TRAPPC9: variants seen among roughly 807,000 people sequenced by gnomAD.
TRAPPC9 encodes the protein IKK2 binding protein.
A neutral mutation model predicts 124.0 loss-of-function variants in TRAPPC9; 83 were observed. The ratio of observed to expected loss-of-function variants is 0.67; its 90% confidence interval spans 0.56 to 0.80. The LOEUF (loss-of-function observed/expected upper bound fraction) is 0.80. Among genes scored for constraint, TRAPPC9 ranks in the 30% least tolerant of loss-of-function variants. The pLI is 0.00. For synonymous variants in TRAPPC9, 638 were observed against 617.5 expected, an observed-to-expected ratio of 1.03 and a Z score of -0.49; for missense variants, 1,302 against 1,508.3, an observed-to-expected ratio of 0.86 and a Z score of 2.27.
chr8:140,135,462 A>G (rs1332134439), intron 17 of TRAPPC9, among the ~76,000 whole-genome samples: 1 of 152,240 alleles, frequency 6.6e-6, no homozygotes, highest in Non-Finnish European at 1.5e-5. Context: ...CCATAAAGGG[A>G]AGGAAATTTT....
intron 17 of TRAPPC9, among the ~76,000 whole-genome samples, chr8:140,109,682 C>T (rs1161436752): frequency 1.3e-5 from 2 of 152,316 alleles, no homozygotes; most frequent in South Asian, 2.1e-4. Flanking sequence ...GGTGCCTTCC[C>T]ATTCCACCCT....
chr8:140,048,362 C>A (rs1427912722), intron 17 of TRAPPC9, among the ~76,000 whole-genome samples: 1 of 152,182 alleles, frequency 6.6e-6, no homozygotes, highest in African/African-American at 2.4e-5. Context: ...TTACTGGAAG[C>A]TCTGGAAGAA....
intron 17 of TRAPPC9, among the ~76,000 whole-genome samples, chr8:140,144,436 G>A: frequency 6.6e-6 from 1 of 151,930 alleles, no homozygotes; most frequent in Non-Finnish European, 1.5e-5. Flanking sequence ...TCAGGGTACT[G>A]TTGGCTAATG....
At chr8:140,095,318 C>A (rs1844864785) in intron 17 of TRAPPC9, 1 of 152,276 alleles carries the variant, frequency 6.6e-6, no homozygotes, top group South Asian at 2.1e-4. Flanking sequence ...CTTCTCTGGG[C>A]TGGGACAGAG....
intron 21 of TRAPPC9, among the ~76,000 whole-genome samples, chr8:139,773,433 G>A (rs576343925): frequency 5.3e-5 from 8 of 152,236 alleles, no homozygotes; most frequent in Non-Finnish European, 1.0e-4. Flanking sequence ...GGCACTGGGT[G>A]GGGGAATCAG....
chr8:140,160,619 G>T (rs548180556), intron 17 of TRAPPC9, among the ~76,000 whole-genome samples: 85 of 150,306 alleles, frequency 5.7e-4, no homozygotes, highest in African/African-American at 1.9e-3. Flanking sequence ...CACAGGAAGG[G>T]GAACATCACA....
intron 21 of TRAPPC9, among the ~76,000 whole-genome samples, chr8:139,811,819 T>C (rs1824462961): frequency 6.6e-6 from 1 of 152,230 alleles, no homozygotes; most frequent in African/African-American, 2.4e-5. Flanking sequence ...TATATTTTTT[T>C]GGACATGCAA....
intron 20 of TRAPPC9, among the ~76,000 whole-genome samples, chr8:139,897,569 T>C (rs1830742643): frequency 6.6e-6 from 1 of 152,224 alleles, no homozygotes; most frequent in South Asian, 2.1e-4. Context: ...TGCTTTTCCC[T>C]GAGCACCTGT....
At chr8:140,293,510 A>G (rs1392847956) in intron 11 of TRAPPC9, among the ~76,000 whole-genome samples, 1 of 152,254 alleles carries the variant, frequency 6.6e-6, no homozygotes, top group Non-Finnish European at 1.5e-5. Context: ...TGTGGCACAT[A>G]TACACCATGG....
At chr8:140,442,820 G>A (rs938314704) in intron 2 of TRAPPC9, among the ~76,000 whole-genome samples, 2 of 151,904 alleles carry the variant, frequency 1.3e-5, no homozygotes, top group Non-Finnish European at 2.9e-5. Context: ...TTGCAGGGTC[G>A]GGGATGGTAT....
intron 7 of TRAPPC9, among the ~76,000 whole-genome samples, chr8:140,391,110 A>C (rs938688089): frequency 6.6e-6 from 1 of 152,186 alleles, no homozygotes; most frequent in Non-Finnish European, 1.5e-5. Flanking sequence ...CAAAAATTTT[A>C]AAGAGGCTAT....
chr8:139,987,714 G>A (rs774789467), intron 19 of TRAPPC9, among the ~76,000 whole-genome samples: 2 of 152,152 alleles, frequency 1.3e-5, no homozygotes, highest in African/African-American at 4.8e-5. Context: ...CCCTAGAACC[G>A]GGCTGGGCTT....
At chr8:139,831,820 AGT>A (rs1472257960) in intron 21 of TRAPPC9, among the ~76,000 whole-genome samples, 3 of 152,194 alleles carry the variant, frequency 2.0e-5, no homozygotes, top group Non-Finnish European at 2.9e-5. Context: ...ACGTGCTCGG[AGT>A]GTCTCGGCCT....
chr8:139,804,444 AC>A (rs1465408300), intron 21 of TRAPPC9, among the ~76,000 whole-genome samples: 1 of 130,728 alleles, frequency 7.6e-6, no homozygotes, highest in African/African-American at 3.0e-5. Flanking sequence ...CACCATCACC[AC>A]CACTCACCAC....
chr8:140,119,132 C>A (rs1587744603), intron 17 of TRAPPC9, among the ~76,000 whole-genome samples: 1 of 152,204 alleles, frequency 6.6e-6, no homozygotes, highest in Admixed American at 6.5e-5. Flanking sequence ...AAAAGAGGAG[C>A]AGAAAGCCGG....
intron 19 of TRAPPC9, among the ~76,000 whole-genome samples, chr8:139,925,465 A>G (rs981778779): frequency 1.3e-5 from 2 of 152,114 alleles, no homozygotes; most frequent in African/African-American, 2.4e-5. Flanking sequence ...AAAGCTGTAA[A>G]GGCCGGGCAC....
intron 2 of TRAPPC9, among the ~76,000 whole-genome samples, chr8:140,448,067 GC>G (rs2132685505): frequency 6.7e-6 from 1 of 149,744 alleles, no homozygotes; most frequent in South Asian, 2.1e-4. Context: ...AATCGCTTGA[GC>G]CCAGGAGGTG....
intron 19 of TRAPPC9, among the ~76,000 whole-genome samples, chr8:139,929,144 T>TATTA (rs766975363): frequency 1.6e-4 from 25 of 152,212 alleles, no homozygotes; most frequent in Non-Finnish European, 2.8e-4. Context: ...CTTAAAAATG[T>TATTA]ATTAATTAAT....
chr8:140,129,801 T>A (rs1439489207), intron 17 of TRAPPC9, among the ~76,000 whole-genome samples: 1 of 152,152 alleles, frequency 6.6e-6, no homozygotes, highest in Admixed American at 6.5e-5. Context: ...CTCTGAGAAC[T>A]CATGTTTTGC....
Sources: gnomAD v4.1 joint callset for allele counts (sites outside exome capture counted in the v4.1 genomes callset) on GRCh38, gnomAD v4.1.1 for gene constraint, MANE v1.5 for transcripts, NCBI Gene and HGNC (gene_info 2026-07-23, HGNC 2026-07-21) for gene names.